Variants in VWA5B1 observed in about 807,000 individuals in gnomAD.
VWA5B1 encodes von Willebrand factor A domain containing 5B1.
VWA5B1 carries 115 observed loss-of-function variants against 118.2 expected under a neutral mutation model. That is an observed-to-expected ratio of 0.97 (90% CI 0.84 to 1.14). The LOEUF is 1.14. Ranked by LOEUF, VWA5B1 falls within the 50% of genes most tolerant of loss-of-function variation. VWA5B1 has a pLI of 0.00. For synonymous variants in VWA5B1, 682 were observed against 658.4 expected, an observed-to-expected ratio of 1.04 and a Z score of -0.55; for missense variants, 1,596 against 1,603.8, an observed-to-expected ratio of 1.00 and a Z score of 0.08.
chr1:20,352,181 C>T lies in VWA5B1; in HGVS notation c.3141+9C>T. The T allele has an allele frequency of 1.3e-6, 2 of 1,546,854 alleles. No individual in the cohort carries two copies. Among genetic ancestry groups the T allele is most frequent in the South Asian group, 1.2e-5 (1 of 83,678 alleles). On this transcript the variant is annotated intron_variant, in intron 21 of 21. Coordinates refer to ENST00000289815, the MANE Select transcript of VWA5B1 (RefSeq NM_001039500.3). Reference sequence around the variant, plus strand: ...TCGACTACATACCTCTGGTGAGTGCCCTGACCCCAGGTGTCAGTCTCCCTC... The same window carrying T: ...TCGACTACATACCTCTGGTGAGTGCTCTGACCCCAGGTGTCAGTCTCCCTC...
chr1:20,309,435 G>A (rs1253408997), intron 1 of VWA5B1, among the ~76,000 whole-genome samples: 1 of 152,208 alleles, frequency 6.6e-6, no homozygotes, highest in African/African-American at 2.4e-5. Flanking sequence ...TGAGTAGGGG[G>A]TTACTGGTTT....
At chr1:20,313,010 C>A (rs982910943) in intron 3 of VWA5B1, 22 bp downstream of exon 3, 2 of 1,546,838 alleles carry the variant, frequency 1.3e-6, no homozygotes, top group Non-Finnish European at 1.7e-6. Context: ...AGAAGGGCTG[C>A]CGCGGGACCT....
intron 1 of VWA5B1, among the ~76,000 whole-genome samples, chr1:20,300,088 C>T (rs948425580): frequency 6.6e-6 from 1 of 152,176 alleles, no homozygotes; most frequent in Non-Finnish European, 1.5e-5. Context: ...TGGCTCTACA[C>T]CCACTCACTG....
intron 1 of VWA5B1, among the ~76,000 whole-genome samples, chr1:20,304,203 G>A (rs150566737): frequency 8.5e-5 from 13 of 152,290 alleles, no homozygotes; most frequent in African/African-American, 3.1e-4. Flanking sequence ...AGGATGTGGG[G>A]TGTGATAGAC....
chr1:20,354,208 A>G lies in VWA5B1; in HGVS notation c.3593A>G (p.His1198Arg). Residue 1198 changes from histidine (H) to arginine (R), a missense_variant, in exon 22 of 22, where the codon CAC becomes CGC. Coordinates refer to ENST00000289815, the MANE Select transcript of VWA5B1 (RefSeq NM_001039500.3). ...CGCCAGCTGTTTGTGCTTCTGCGGC[A>G]CTGGGATGAGAATCTCGAGTTCAAT... ...AARQLFVLLR[H>R]WDENLEFNML... is the part of the protein sequence containing the mutation. 1 of 1,551,158 alleles carries G rather than the reference A, an allele frequency of 6.4e-7. No homozygotes were observed. The highest frequency in any genetic ancestry group is 1.4e-5 in the African/African-American group (1 of 73,130).
rs115872156 is a variant in VWA5B1 at position 20,309,205 on chromosome 1, G to A, written c.-26-1371G>A. Reference sequence around the variant, plus strand: ...GTTGTGAAGCCAAAGTCGAATCAAGGTGAAGCCAAAGTCGATGTGGCCCAT... The same window carrying A: ...GTTGTGAAGCCAAAGTCGAATCAAGATGAAGCCAAAGTCGATGTGGCCCAT... On this transcript the variant is annotated intron_variant, in intron 1 of 21. Coordinates refer to ENST00000289815, the MANE Select transcript of VWA5B1 (RefSeq NM_001039500.3). Among the ~76,000 whole-genome samples the A allele has an allele frequency of 3.0e-3, 451 of 152,318 alleles. 4 individuals carry two copies. Among genetic ancestry groups the A allele is most frequent in the African/African-American group, 9.9e-3 (411 of 41,572 alleles).
chr1:20,296,865 C>T (rs2088415475), intron 1 of VWA5B1, among the ~76,000 whole-genome samples: 1 of 152,236 alleles, frequency 6.6e-6, no homozygotes, highest in African/African-American at 2.4e-5. Flanking sequence ...ACATGGGGAT[C>T]TCTCATGATG....
rs925960591 is a variant in VWA5B1 at position 20,342,651 on chromosome 1, G to A, written c.2311+42G>A. 8 of 1,441,348 alleles carry A rather than the reference G, an allele frequency of 5.6e-6. No homozygotes were observed. In the African/African-American group the frequency reaches 8.7e-5, roughly 16 times the overall value. 89.3% of individuals were successfully genotyped at this position (1,441,348 alleles called of 1,614,324 possible). A position where few individuals can be genotyped will look rare whatever the true frequency, so the allele number is the denominator to read the frequency against. ...TCCAGGACCCAACTGGGGACAGGGA[G>A]GAATCACTGGCTGTTGTTCAACTTC... On this transcript the variant is annotated intron_variant, in intron 15 of 21. Transcript: ENST00000289815.
In VWA5B1 at chr1:20,319,381, G is replaced by A; in HGVS notation, c.842-1G>A. ...GCTGAAAGTCGATCTCATCTCTGCA[G>A]AGCCCCATATGCCCCATGTCCTGAT... On this transcript the variant is annotated splice_acceptor_variant, in intron 6 of 21. Coordinates refer to ENST00000289815, the MANE Select transcript of VWA5B1 (RefSeq NM_001039500.3). LOFTEE classifies it high-confidence loss of function. 1 of 1,551,742 alleles carries A rather than the reference G, an allele frequency of 6.4e-7. No homozygotes were observed. Among genetic ancestry groups the A allele is most frequent in the Non-Finnish European group, 8.7e-7 (1 of 1,146,988 alleles).
At chr1:20,313,099 G>A in intron 3 of VWA5B1, 111 bp downstream of exon 3, 1 of 1,394,874 alleles carries the variant, frequency 7.2e-7, no homozygotes. Flanking sequence ...GAGGCAGAAA[G>A]AGCACTGAAC....
At chr1:20,332,267 GCCAAGAGTTTGAGA>G (rs2089578553) in intron 11 of VWA5B1, among the ~76,000 whole-genome samples, 1 of 151,992 alleles carries the variant, frequency 6.6e-6, no homozygotes, top group South Asian at 2.1e-4. Context: ...ATCACTTGAG[GCCAAGAGTTTGAGA>G]CCAGCCTGGC....
At chr1:20,297,005 A>G (rs2088417748) in intron 1 of VWA5B1, among the ~76,000 whole-genome samples, 1 of 152,240 alleles carries the variant, frequency 6.6e-6, no homozygotes, top group Non-Finnish European at 1.5e-5. Context: ...TAGTTTATTC[A>G]GCATTTAATG....
rs145706004 is a variant in VWA5B1 at position 20,336,746 on chromosome 1, G to A, written c.1942+260G>A. ...TATGGTGTTAGTTTCCATTCAAAGG[G>A]TACTTATCGATTCCTTACTAAGGTT... is the stretch of plus-strand genomic sequence containing the variant. On this transcript the variant is annotated intron_variant, in intron 13 of 21. Transcript: ENST00000289815. 1.1e-3 allele frequency among the ~76,000 whole-genome samples: 173 copies of A among 152,250 alleles called. 2 individuals carry two copies. Among genetic ancestry groups the A allele is most frequent in the Middle Eastern group, 6.8e-3 (2 of 294 alleles).
intron 1 of VWA5B1, among the ~76,000 whole-genome samples, chr1:20,305,253 G>A (rs1407140639): frequency 6.6e-6 from 1 of 152,162 alleles, no homozygotes; most frequent in Non-Finnish European, 1.5e-5. Context: ...GATGGTATGT[G>A]AAGTTCAAGG....
At chr1:20,326,235 G>A (rs1445005660) in intron 8 of VWA5B1, among the ~76,000 whole-genome samples, 1 of 152,154 alleles carries the variant, frequency 6.6e-6, no homozygotes, top group African/African-American at 2.4e-5. Flanking sequence ...ATTGGGGTGT[G>A]AGTATGTGGA....
At chr1:20,353,184 G>T (rs75507606) in intron 21 of VWA5B1, among the ~76,000 whole-genome samples, 1 of 152,118 alleles carries the variant, frequency 6.6e-6, no homozygotes, top group African/African-American at 2.4e-5. Context: ...GAGTTGGAGA[G>T]GGTAAGAGTC....
chr1:20,330,878 C>T lies in VWA5B1; in HGVS notation c.1467C>T (p.Ser489=). The change falls in exon 11 of 22, where the codon AGC becomes AGT. Residue 489 remains serine (S), a synonymous_variant. Transcript: ENST00000289815. ...RNHAFSTRCY[S]FGIGPNVCHR... ...TCTCCCTTTCCGCCAGGTGCTATAG[C>T]TTTGGAATTGGACCCAACGTCTGCC... is the stretch of plus-strand genomic sequence containing the variant. 1.3e-6 allele frequency: 2 copies of T among 1,551,728 alleles called. No individual in the cohort carries two copies. The highest frequency in any genetic ancestry group is 2.0e-5 in the Admixed American group (1 of 51,006).
Position 20,317,565 on chromosome 1 carries a change from G to A in VWA5B1, c.599G>A (p.Gly200Asp), listed in dbSNP as rs1384591232. The part of the protein sequence containing the change: ...DRHCFGAWAP[G>D]SWNKLCLATL... ...CACTGCTTCGGTGCCTGGGCCCCGG[G>A]CTCCTGGAATAAGTTGTGCCTGGCG... Residue 200 changes from glycine (G) to aspartate (D), a missense_variant, in exon 5 of 22, where the codon GGC becomes GAC. By Grantham distance (94) the Gly-to-Asp change is moderately conservative. Coordinates refer to ENST00000289815, the MANE Select transcript of VWA5B1 (RefSeq NM_001039500.3). 1 of 1,551,610 alleles carries A rather than the reference G, an allele frequency of 6.4e-7. No individual in the cohort carries two copies. The highest frequency in any genetic ancestry group is 2.0e-5 in the Admixed American group (1 of 50,980).
At chr1:20,326,146 G>T (rs929825438) in intron 8 of VWA5B1, among the ~76,000 whole-genome samples, 1 of 152,176 alleles carries the variant, frequency 6.6e-6, no homozygotes, top group Non-Finnish European at 1.5e-5. Flanking sequence ...CTTTTGTAGA[G>T]AAACCAAATG....
Sources: allele counts gnomAD v4.1 joint callset (sites outside exome capture counted in the v4.1 genomes callset), GRCh38; gene constraint gnomAD v4.1.1; transcripts MANE v1.5; gene names NCBI Gene and HGNC (gene_info 2026-07-23, HGNC 2026-07-21).